FSTL5: variants seen among roughly 807,000 people sequenced by gnomAD.
FSTL5 encodes follistatin like 5.
FSTL5 carries 62 observed loss-of-function variants against 89.1 expected under a neutral mutation model. The ratio of observed to expected loss-of-function variants is 0.70; its 90% CI spans 0.57 to 0.86. The LOEUF is 0.86. Ranked by LOEUF, FSTL5 falls within the 40% of genes least tolerant of loss-of-function variation. FSTL5 has a pLI of 0.00. For synonymous variants in FSTL5, 383 were observed against 346.2 expected (o/e 1.11, Z -1.18); for missense variants, 1,057 against 1,001.6 (o/e 1.06, Z -0.75).
At chr4:162,027,996 A>G (rs1737364859) in intron 3 of FSTL5, among the ~76,000 whole-genome samples, 1 of 152,154 alleles carries the variant, frequency 6.6e-6, no homozygotes, top group African/African-American at 2.4e-5. Context: ...ACATTCTTTT[A>G]CAACACTTAA....
At chr4:161,738,455 G>C (rs1739895089) in intron 6 of FSTL5, among the ~76,000 whole-genome samples, 1 of 151,982 alleles carries the variant, frequency 6.6e-6, no homozygotes, top group South Asian at 2.1e-4. Context: ...GAGAAAGGGT[G>C]TTCAATCACT....
At chr4:161,973,093 A>T (rs1735531482) in intron 3 of FSTL5, among the ~76,000 whole-genome samples, 1 of 152,038 alleles carries the variant, frequency 6.6e-6, no homozygotes, top group African/African-American at 2.4e-5. Flanking sequence ...CTCCTTAGGG[A>T]GTGTTTTTCT....
At chr4:161,671,439 G>A (rs190027114) in intron 6 of FSTL5, among the ~76,000 whole-genome samples, 5 of 152,262 alleles carry the variant, frequency 3.3e-5, no homozygotes, top group Admixed American at 3.3e-4. Context: ...CTGAGCAGTT[G>A]CCGCTAAGAC....
At chr4:161,766,910 T>TGATAGATA (rs34991915) in intron 5 of FSTL5, among the ~76,000 whole-genome samples, 272 of 106,806 alleles carry the variant, frequency 2.5e-3, no homozygotes, top group South Asian at 4.6e-3. Flanking sequence ...ATAGATCGAT[T>TGATAGATA]GATAGATAGA....
chr4:161,808,580 C>G (rs1730042935), intron 4 of FSTL5, among the ~76,000 whole-genome samples: 1 of 151,774 alleles, frequency 6.6e-6, no homozygotes, highest in Admixed American at 6.6e-5. Context: ...ACCTGCGTGA[C>G]ATTGGACTTG....
intron 4 of FSTL5, among the ~76,000 whole-genome samples, chr4:161,780,390 GGCA>G (rs1395634613): frequency 6.6e-6 from 1 of 152,026 alleles, no homozygotes; most frequent in Admixed American, 6.6e-5. Context: ...TTAATTGACA[GGCA>G]GAGTGAGATT....
Position 161,384,368 on chromosome 4 carries a change from A to G in FSTL5, c.*1379T>C, listed in dbSNP as rs1453284569. The G allele has an allele frequency of 1.3e-5, 2 of 152,168 alleles. No homozygotes were observed. Among genetic ancestry groups the G allele is most frequent in the Non-Finnish European group, 2.9e-5 (2 of 67,992 alleles). 9.4% of individuals were successfully genotyped at this position (152,168 alleles called of 1,614,324 possible). On this transcript the variant is annotated 3_prime_UTR_variant, in exon 16 of 16. Transcript: ENST00000306100. The stretch of plus-strand genomic sequence containing the variant: ...AAAAATAAGTACAAGGATTTTCAAA[A>G]CATGTAAGCTATTACTTTAAGCCTG...
rs147869349 is a variant in FSTL5, at chr4:161,822,324, A to T, written c.410-46250T>A. ...CCGCCCACACAGCCTGGTAGGCTGC[A>T]CTTGGCTCACACTACCAGCTCAGAT... On this transcript the variant is annotated intron_variant, in intron 4 of 15. Coordinates refer to ENST00000306100, the MANE Select transcript of FSTL5 (RefSeq NM_020116.5). 1.6e-3 allele frequency among the ~76,000 whole-genome samples: 242 copies of T among 152,240 alleles called. 1 individual carries two copies. The highest frequency in any genetic ancestry group is 5.7e-3 in the African/African-American group (235 of 41,570).
chr4:161,682,993 C>A (rs1466054134), intron 6 of FSTL5, among the ~76,000 whole-genome samples: 1 of 152,152 alleles, frequency 6.6e-6, no homozygotes. Context: ...GATCCACCCA[C>A]CTCGGCCTCC....
At chr4:161,804,806 T>C (rs1423222050) in intron 4 of FSTL5, among the ~76,000 whole-genome samples, 1 of 152,030 alleles carries the variant, frequency 6.6e-6, no homozygotes, top group Non-Finnish European at 1.5e-5. Context: ...ATTTTGAACA[T>C]TATCTAAATT....
chr4:161,729,151 T>C (rs768058164), intron 6 of FSTL5, among the ~76,000 whole-genome samples: 4 of 152,228 alleles, frequency 2.6e-5, no homozygotes, highest in Non-Finnish European at 5.9e-5. Context: ...GGTTTTACTT[T>C]CAGTAACACT....
In FSTL5 at chr4:162,046,515, T is replaced by C. The variant is rs551381616; in HGVS notation, c.127-12857A>G. Among the ~76,000 whole-genome samples, 5 of 152,180 alleles carry C rather than the reference T, an allele frequency of 3.3e-5. No individual in the cohort carries two copies. In the East Asian group the frequency reaches 9.7e-4, roughly 30 times the overall value. ...AACCAACTGCATACTTCTTTGGACA[T>C]GAAGATTATATAAAAATACATTCAA... On this transcript the variant is annotated intron_variant, in intron 2 of 15. Coordinates refer to ENST00000306100, the MANE Select transcript of FSTL5 (RefSeq NM_020116.5).
chr4:161,556,651 T>C (rs962371910), intron 8 of FSTL5, among the ~76,000 whole-genome samples: 6 of 151,436 alleles, frequency 4.0e-5, no homozygotes, highest in African/African-American at 1.5e-4. Context: ...TTGTTGAAGA[T>C]CTTTTCAACA....
chr4:161,957,624 T>C (rs762057941), intron 3 of FSTL5, among the ~76,000 whole-genome samples: 1 of 152,072 alleles, frequency 6.6e-6, no homozygotes, highest in Non-Finnish European at 1.5e-5. Context: ...GCCAGAGCCA[T>C]CCTAGACCAG....
At chr4:161,697,867 G>GC (rs1021952117) in intron 6 of FSTL5, among the ~76,000 whole-genome samples, 34 of 152,034 alleles carry the variant, frequency 2.2e-4, no homozygotes, top group African/African-American at 4.6e-4. Flanking sequence ...GTTTATTATT[G>GC]CCCCCCAACG....
intron 10 of FSTL5, among the ~76,000 whole-genome samples, chr4:161,516,676 T>C (rs1730846185): frequency 7.0e-6 from 1 of 142,598 alleles, no homozygotes; most frequent in African/African-American, 2.6e-5. Flanking sequence ...ACACACTAAG[T>C]ATATATGTAT....
chr4:161,796,011 A>G (rs1447170958), intron 4 of FSTL5, among the ~76,000 whole-genome samples: 1 of 152,074 alleles, frequency 6.6e-6, no homozygotes, highest in Non-Finnish European at 1.5e-5. Flanking sequence ...CAAAAATACA[A>G]TATCAGATTT....
chr4:161,612,291 T>G (rs951695248), intron 7 of FSTL5, among the ~76,000 whole-genome samples: 5 of 152,216 alleles, frequency 3.3e-5, no homozygotes, highest in African/African-American at 4.8e-5. Context: ...AAATAAAAAT[T>G]TATTCCTACT....
chr4:161,877,144 C>T (rs994394415), intron 4 of FSTL5, among the ~76,000 whole-genome samples: 3 of 144,342 alleles, frequency 2.1e-5, no homozygotes, highest in Non-Finnish European at 1.5e-5. Context: ...AGATCGCGCC[C>T]TTGCACTCCA....
Sources: gnomAD v4.1 joint callset for allele counts (sites outside exome capture counted in the v4.1 genomes callset) on GRCh38, gnomAD v4.1.1 for gene constraint, MANE v1.5 for transcripts, NCBI Gene and HGNC (gene_info 2026-07-23, HGNC 2026-07-21) for gene names.